Variants in PSMB8 observed in about 807,000 individuals in gnomAD.
The protein encoded by PSMB8 is proteasome subunit beta type-8.
PSMB8 carries 20 observed loss-of-function variants against 32.3 expected under a neutral mutation model. The observed-to-expected ratio is 0.62, with a 90% CI of 0.44 to 0.90. The LOEUF is 0.90. Ranked by LOEUF, PSMB8 falls within the 40% of genes least tolerant of loss-of-function variation. The pLI, the probability that PSMB8 is intolerant of heterozygous loss-of-function variation, is 0.00. For synonymous variants in PSMB8, 131 were observed against 135.4 expected (o/e 0.97, Z 0.23); for missense variants, 342 against 365.4 (o/e 0.94, Z 0.52).
At position 32,843,080 on chromosome 6, in the gene PSMB8, A is replaced by T. The variant is rs755700345; in HGVS notation, c.157T>A (p.Phe53Ile). Residue 53 changes from phenylalanine to isoleucine, a missense_variant, in exon 2 of 6, where the codon TTC (phenylalanine) becomes ATC (isoleucine). Transcript: ENST00000374882. The stretch of plus-strand genomic sequence containing the variant: ...CCGTCCCCACCCAGGGACTGGAAGA[A>T]TTCTGTGGGCTGATAAGAGAAAAGA... ...ALPRGMQPTE[F>I]FQSLGGDGER... 6.2e-7 allele frequency: 1 copy of T among 1,613,120 alleles called. No homozygotes were observed. The highest frequency in any genetic ancestry group is 1.1e-5 in the South Asian group (1 of 91,086).
In PSMB8 at chr6:32,842,869, T is replaced by C. The variant is rs766638188; in HGVS notation, c.295+73A>G. The C allele has an allele frequency of 2.2e-5, 35 of 1,611,394 alleles. No homozygotes were observed. The Admixed American group carries it at 5.2e-4, about 24-fold the overall frequency. ...TAAATCAATATCCACTTCCACTTTGTTGCAGAGTTGGCCTCCTGTGGAAAG... is the reference window on the plus strand; with the variant it reads ...TAAATCAATATCCACTTCCACTTTGCTGCAGAGTTGGCCTCCTGTGGAAAG... On this transcript the variant is annotated intron_variant, in intron 2 of 5. Coordinates refer to ENST00000374882, the MANE Select transcript of PSMB8 (RefSeq NM_148919.4).
chr6:32,842,520 T>G, intron 3 of PSMB8, 152 bp downstream of exon 3: 2 of 878,814 alleles, frequency 2.3e-6, no homozygotes, highest in Non-Finnish European at 1.8e-6. Flanking sequence ...GGCTGAGATT[T>G]GGGAGAAGGG....
chr6:32,840,870 C>G lies in PSMB8; in HGVS notation c.*89G>C. ...ACTCTCTCTTTGGCTCAGGCTAGGC[C>G]TCTTCTTCTCCTTGGACTTAACGTG... On this transcript the variant is annotated 3_prime_UTR_variant, in exon 6 of 6. Coordinates refer to ENST00000374882, the MANE Select transcript of PSMB8 (RefSeq NM_148919.4). The G allele has an allele frequency of 8.6e-7, 1 of 1,163,120 alleles. No homozygotes were observed. Among genetic ancestry groups the G allele is most frequent in the Non-Finnish European group, 1.3e-6 (1 of 775,438 alleles). 72.0% of individuals were successfully genotyped at this position (1,163,120 alleles called of 1,614,324 possible). A position where few individuals can be genotyped will look rare whatever the true frequency, so the allele number is the denominator to read the frequency against.
chr6:32,844,631 C>T, upstream of PSMB8: 1 of 585,268 alleles, frequency 1.7e-6, no homozygotes, highest in African/African-American at 1.9e-5. Flanking sequence ...GCCCTTTCTG[C>T]CCGCCCTTCC....
At chr6:32,841,924 G>T in intron 4 of PSMB8, 189 bp from the exon 5 acceptor site, 3 of 1,011,272 alleles carry the variant, frequency 3.0e-6, no homozygotes, top group Non-Finnish European at 2.9e-6. Context: ...GAAATCAACT[G>T]TTTAACAAAA....
intron 4 of PSMB8, 32 bp from the exon 5 acceptor site, chr6:32,841,767 GAGAGGA>G: frequency 6.3e-7 from 1 of 1,594,926 alleles, no homozygotes; most frequent in Non-Finnish European, 8.6e-7. Context: ...GCTGAAATTG[GAGAGGA>G]AGATGTTGGT....
Position 32,840,792 on chromosome 6 carries a change from A to G in PSMB8, c.*167T>C. ...CCCTGGGGGAAATGCTTGTTCAAAT[A>G]GAGAACACGCAGAAGATGCACTTCA... On this transcript the variant is annotated 3_prime_UTR_variant, in exon 6 of 6. Coordinates refer to ENST00000374882, the MANE Select transcript of PSMB8 (RefSeq NM_148919.4). The G allele has an allele frequency of 1.6e-6, 1 of 641,854 alleles. No individual in the cohort carries two copies. The highest frequency in any genetic ancestry group is 2.8e-6 in the Non-Finnish European group (1 of 357,306). 39.8% of individuals were successfully genotyped at this position (641,854 alleles called of 1,614,324 possible). A position where few individuals can be genotyped will look rare whatever the true frequency, so the allele number is the denominator to read the frequency against.
upstream of PSMB8, chr6:32,844,195 TG>T: frequency 1.3e-6 from 2 of 1,562,068 alleles, no homozygotes; most frequent in Non-Finnish European, 1.7e-6. Context: ...GGGGGAATGA[TG>T]GGTCAAGGGT....
Position 32,840,894 on chromosome 6 carries a change from T to A in PSMB8, c.*65A>T, listed in dbSNP as rs1769857661. The A allele has an allele frequency of 1.1e-5, 15 of 1,376,208 alleles. No homozygotes were observed. The highest frequency in any genetic ancestry group is 1.6e-5 in the Non-Finnish European group (15 of 963,932). 85.2% of individuals were successfully genotyped at this position (1,376,208 alleles called of 1,614,324 possible). ...CCTCTTCTTCTCCTTGGACTTAACG[T>A]GGCTTAGGTCCCTGAGTCGGCCAAG... On this transcript the variant is annotated 3_prime_UTR_variant, in exon 6 of 6. Coordinates refer to ENST00000374882, the MANE Select transcript of PSMB8 (RefSeq NM_148919.4).
At chr6:32,844,119 A>T, upstream of PSMB8, 2 of 1,508,052 alleles carry the variant, frequency 1.3e-6, no homozygotes, top group Non-Finnish European at 1.8e-6. Flanking sequence ...AGAAAAGGAC[A>T]GTTAGTGCCT....
chr6:32,842,697 C>T lies in PSMB8; in HGVS notation c.382G>A (p.Glu128Lys). 6.2e-7 allele frequency: 1 copy of T among 1,614,164 alleles called. No homozygotes were observed. The change falls in exon 3 of 6, where the codon GAG becomes AAG. Residue 128 changes from glutamate to lysine, a missense_variant. Glu to Lys is a moderately conservative substitution (Grantham distance 56). Transcript: ENST00000374882. ...SGCAADCQYW[E>K]RLLAKECRLY... ...CTGCATTCCTTGGCCAGCAGGCGCT[C>T]CCAGTACTGACAGTCTGCTGCACAG...
At chr6:32,841,391 C>T (rs929613028) in intron 5 of PSMB8, 140 bp downstream of exon 5, 1 of 876,272 alleles carries the variant, frequency 1.1e-6, no homozygotes, top group Non-Finnish European at 1.8e-6. Flanking sequence ...GCACCCGTCA[C>T]CACGTCCGGC....
Position 32,843,070 on chromosome 6 carries a change from G to C in PSMB8, c.167C>G (p.Ser56Cys), listed in dbSNP as rs886061310. 7 of 1,612,958 alleles carry C rather than the reference G, an allele frequency of 4.3e-6. No individual in the cohort carries two copies. The African/African-American group carries it at 9.3e-5, about 22-fold the overall frequency. Residue 56 changes from serine to cysteine, a missense_variant, in exon 2 of 6, where the codon TCC becomes TGC. Physicochemically the swap from Ser to Cys is moderately radical, Grantham distance 112. Transcript: ENST00000374882. The part of the protein sequence containing the change: ...RGMQPTEFFQ[S>C]LGGDGERNVQ... ...GTTCCTTTCTCCGTCCCCACCCAGGGACTGGAAGAATTCTGTGGGCTGATA... is the reference window on the plus strand; with the variant it reads ...GTTCCTTTCTCCGTCCCCACCCAGGCACTGGAAGAATTCTGTGGGCTGATA...
intron 3 of PSMB8, 84 bp downstream of exon 3, chr6:32,842,588 T>G (rs761192812): frequency 1.6e-6 from 2 of 1,248,506 alleles, no homozygotes; most frequent in Admixed American, 1.7e-5. Context: ...ATGGACCACA[T>G]AGGACAAGAG....
At chr6:32,843,246 G>C (rs554543505) in intron 1 of PSMB8, among the ~76,000 whole-genome samples, 157 bp from the exon 2 acceptor site, 1 of 152,308 alleles carries the variant, frequency 6.6e-6, no homozygotes, top group East Asian at 1.9e-4. Context: ...GAAGGAAATG[G>C]CTTGGGAGAA....
chr6:32,842,759 A>G lies in PSMB8; in HGVS notation c.320T>C (p.Ile107Thr). 1 of 1,614,238 alleles carries G rather than the reference A, an allele frequency of 6.2e-7. No homozygotes were observed. The highest frequency in any genetic ancestry group is 1.1e-5 in the South Asian group (1 of 91,086). The change falls in exon 3 of 6, where the codon ATT (isoleucine) becomes ACT (threonine). Residue 107 changes from isoleucine (I) to threonine (T), a missense_variant. Coordinates refer to ENST00000374882, the MANE Select transcript of PSMB8 (RefSeq NM_148919.4). Reference sequence around the variant, plus strand: ...GCCAAGCAGGTAAGGGTTAATCTCAATCACCTTGTTCACCCGTAAGGCACC... The same window carrying G: ...GCCAAGCAGGTAAGGGTTAATCTCAGTCACCTTGTTCACCCGTAAGGCACC... ...YISALRVNKV[I>T]EINPYLLGTM...
chr6:32,840,748 G>C lies in PSMB8; in HGVS notation c.*211C>G. The C allele has an allele frequency of 3.3e-6, 2 of 602,886 alleles. No homozygotes were observed. Among genetic ancestry groups the C allele is most frequent in the Non-Finnish European group, 5.9e-6 (2 of 337,868 alleles). The allele number at this position is 602,886 out of a possible 1,614,324, so 37.3% of individuals were successfully genotyped here. A position where few individuals can be genotyped will look rare whatever the true frequency, so the allele number is the denominator to read the frequency against. ...TAACCGTTTTTCTTTATTCTACTTAGTGGGGCACCCAGAAACTTCCCTGGG... is the reference window on the plus strand; with the variant it reads ...TAACCGTTTTTCTTTATTCTACTTACTGGGGCACCCAGAAACTTCCCTGGG... On this transcript the variant is annotated 3_prime_UTR_variant, in exon 6 of 6. Coordinates refer to ENST00000374882, the MANE Select transcript of PSMB8 (RefSeq NM_148919.4).
chr6:32,843,175 G>T, intron 1 of PSMB8, 86 bp from the exon 2 acceptor site: 23 of 1,420,638 alleles, frequency 1.6e-5, no homozygotes, highest in Non-Finnish European at 2.3e-5. Context: ...GTATGAGGGT[G>T]AGGAGATATG....
Position 32,843,947 on chromosome 6 carries a change from G to T in PSMB8, c.50C>A (p.Ser17Ter). The change falls in exon 1 of 6, where the codon TCG (serine) becomes TAG (stop). Residue 17 changes from serine (S) to a stop codon, truncating the protein, a stop_gained. Transcript: ENST00000374882. LOFTEE classifies it high-confidence loss of function. The stretch of plus-strand genomic sequence containing the variant: ...CCCGCTTCCCGCAACCGGGAGAGCC[G>T]ATTCCGGCCGCTGCCCTCGGGGGGC... ...CGAPRGQRPESALPVAGSGRR... is the reference protein window; with the variant it reads ...CGAPRGQRPE 6.2e-7 allele frequency: 1 copy of T among 1,612,566 alleles called. No homozygotes were observed. Among genetic ancestry groups the T allele is most frequent in the Non-Finnish European group, 8.5e-7 (1 of 1,179,894 alleles).
Sources: allele counts gnomAD v4.1 joint callset (sites outside exome capture counted in the v4.1 genomes callset), GRCh38; gene constraint gnomAD v4.1.1; transcripts MANE v1.5; gene names NCBI Gene and HGNC (gene_info 2026-07-23, HGNC 2026-07-21).